SLC13A3: variants seen among roughly 807,000 people sequenced by gnomAD.
SLC13A3 encodes solute carrier family 13 member 3, also known as Na(+)/dicarboxylate cotransporter 3.
A neutral mutation model predicts 59.0 loss-of-function variants in SLC13A3; 40 were observed. The observed-to-expected ratio is 0.68, with a 90% CI of 0.53 to 0.88. The LOEUF (loss-of-function observed/expected upper bound fraction) is 0.88, where lower values mean the gene tolerates loss of function less well. SLC13A3 is among the 40% of genes least tolerant of loss of function. The pLI is 0.00. For synonymous variants in SLC13A3, 317 were observed against 330.3 expected, an observed-to-expected ratio of 0.96 and a Z score of 0.44; for missense variants, 699 against 783.2, an observed-to-expected ratio of 0.89 and a Z score of 1.28.
intron 9 of SLC13A3, among the ~76,000 whole-genome samples, chr20:46,580,028 T>C (rs889363782): frequency 6.6e-6 from 1 of 152,118 alleles, no homozygotes; most frequent in Non-Finnish European, 1.5e-5. Flanking sequence ...TGCAGTGGCG[T>C]GATCTCGGCT....
At chr20:46,676,893 G>C (rs980472242) in intron 1 of SLC13A3, among the ~76,000 whole-genome samples, 2 of 152,058 alleles carry the variant, frequency 1.3e-5, no homozygotes, top group Non-Finnish European at 2.9e-5. Context: ...CCAGGAGGGG[G>C]AACGGAGAGT....
At position 46,629,677 on chromosome 20, in the gene SLC13A3, C is replaced by G. The variant is rs76752731; in HGVS notation, c.112-15952G>C. Among the ~76,000 whole-genome samples the G allele has an allele frequency of 5.7e-3, 863 of 152,220 alleles. 8 individuals carry two copies. The highest frequency in any genetic ancestry group is 0.02 in the African/African-American group (829 of 41,538). ...CCCATTTTGCTCTGTCTGATACAGC[C>G]TTTATAACAGAATAGCTTTATTTTT... On this transcript the variant is annotated intron_variant, in intron 1 of 12. Coordinates refer to ENST00000279027, the MANE Select transcript of SLC13A3 (RefSeq NM_022829.6).
intron 3 of SLC13A3, among the ~76,000 whole-genome samples, chr20:46,603,686 G>A (rs2062405547): frequency 6.6e-6 from 1 of 151,960 alleles, no homozygotes; most frequent in Non-Finnish European, 1.5e-5. Flanking sequence ...CCACGCCTGG[G>A]CTGAAATTTG....
At position 46,566,258 on chromosome 20, in the gene SLC13A3, T is replaced by C; in HGVS notation, c.1465A>G (p.Ile489Val). 3 of 1,613,516 alleles carry C rather than the reference T, an allele frequency of 1.9e-6. No individual in the cohort carries two copies. Among genetic ancestry groups the C allele is most frequent in the Non-Finnish European group, 2.5e-6 (3 of 1,179,654 alleles). ...TEFASNTATI[I>V]IFLPVLAELA... ...TCTGCCAGGACCGGCAGGAAGATGA[T>C]GATGGTCGCCGTGTTGCTGGCAAAC... The change falls in exon 11 of 13, where the codon ATC becomes GTC. Residue 489 changes from isoleucine to valine, a missense_variant. By Grantham distance (29) the Ile-to-Val change is conservative. Coordinates refer to ENST00000279027, the MANE Select transcript of SLC13A3 (RefSeq NM_022829.6).
chr20:46,587,933 T>C (rs1024514877), intron 8 of SLC13A3, 126 bp downstream of exon 8: 5 of 528,566 alleles, frequency 9.5e-6, no homozygotes, highest in African/African-American at 3.9e-5. Context: ...TTAATAATCA[T>C]ATGGGACAAA....
chr20:46,645,367 G>A (rs1600607583), intron 1 of SLC13A3, among the ~76,000 whole-genome samples: 2 of 152,142 alleles, frequency 1.3e-5, no homozygotes, highest in Non-Finnish European at 2.9e-5. Flanking sequence ...GACACCTTTG[G>A]TGGGTCACTA....
intron 3 of SLC13A3, among the ~76,000 whole-genome samples, chr20:46,602,707 T>C (rs576701537): frequency 1.4e-4 from 21 of 152,330 alleles, no homozygotes; most frequent in African/African-American, 5.1e-4. Flanking sequence ...CCAGAAATGC[T>C]GCTAAACATC....
At chr20:46,638,243 G>A (rs2062813381) in intron 1 of SLC13A3, among the ~76,000 whole-genome samples, 1 of 152,198 alleles carries the variant, frequency 6.6e-6, no homozygotes, top group African/African-American at 2.4e-5. Flanking sequence ...TTGCTGACTG[G>A]TTCCAGCCCT....
chr20:46,626,115 CTCTCTCTGTCTCTCTCTCTCTCTG>C (rs1011014973), intron 1 of SLC13A3, among the ~76,000 whole-genome samples: 1 of 150,614 alleles, frequency 6.6e-6, no homozygotes, highest in Non-Finnish European at 1.5e-5. Flanking sequence ...CTCTCTCTCT[CTCTCTCTGTCTCTCTCTCTCTCTG>C]TCTCTCTGTC....
upstream of SLC13A3, among the ~76,000 whole-genome samples, chr20:46,655,515 AT>A (rs768390727): frequency 6.8e-6 from 1 of 147,710 alleles, no homozygotes; most frequent in Non-Finnish European, 1.5e-5. Context: ...TATAATATAT[AT>A]TTTTATATAG....
At chr20:46,612,489 T>A (rs925432718) in intron 2 of SLC13A3, among the ~76,000 whole-genome samples, 3 of 152,120 alleles carry the variant, frequency 2.0e-5, no homozygotes, top group African/African-American at 4.8e-5. Flanking sequence ...TCTTGAAATA[T>A]CATCGACACT....
rs202120025 is a variant in SLC13A3 at position 46,600,405 on chromosome 20, A to G, written c.542-368T>C. Among the ~76,000 whole-genome samples, 1,143 of 143,954 alleles carry G rather than the reference A, an allele frequency of 7.9e-3. 3 individuals carry two copies. Among genetic ancestry groups the G allele is most frequent in the South Asian group, 0.013 (61 of 4,548 alleles). 94.4% of individuals were successfully genotyped at this position (143,954 alleles called of 152,430 possible). A position where few individuals can be genotyped will look rare whatever the true frequency, so the allele number is the denominator to read the frequency against. On this transcript the variant is annotated intron_variant, in intron 3 of 12. Transcript: ENST00000279027. ...GAAAGGGAGGGAAAGAAAGAAAGAAAGGAGGAAGGAAGGAAGGAAAGGAAG... is the reference window on the plus strand; with the variant it reads ...GAAAGGGAGGGAAAGAAAGAAAGAAGGGAGGAAGGAAGGAAGGAAAGGAAG...
chr20:46,652,547 A>ACT (rs777745720), upstream of SLC13A3, among the ~76,000 whole-genome samples: 1 of 117,794 alleles, frequency 8.5e-6, no homozygotes, highest in African/African-American at 3.1e-5. Flanking sequence ...TATCTGGCTA[A>ACT]TTTTTTTTTT....
chr20:46,656,526 T>G (rs987195909), intron 1 of SLC13A3, among the ~76,000 whole-genome samples: 10 of 144,044 alleles, frequency 6.9e-5, no homozygotes, highest in South Asian at 2.2e-4. Flanking sequence ...CTGTATATGA[T>G]ATATACTATA....
intron 1 of SLC13A3, among the ~76,000 whole-genome samples, chr20:46,641,962 C>T (rs1273898940): frequency 6.6e-6 from 1 of 152,166 alleles, no homozygotes; most frequent in Non-Finnish European, 1.5e-5. Flanking sequence ...GCCCCTATGC[C>T]CCCAGACCCA....
At chr20:46,615,475 T>C (rs1479521938) in intron 1 of SLC13A3, among the ~76,000 whole-genome samples, 1 of 152,080 alleles carries the variant, frequency 6.6e-6, no homozygotes, top group African/African-American at 2.4e-5. Flanking sequence ...GTGACAACAA[T>C]CCAGGCAACA....
In SLC13A3 at chr20:46,632,926, T is replaced by C. The variant is rs375493226; in HGVS notation, c.111+18385A>G. On this transcript the variant is annotated intron_variant, in intron 1 of 12. Transcript: ENST00000279027. Reference sequence around the variant, plus strand: ...ATAGATAGATATATCTATCTATCTATCTATCTATCTATCTATCTATCTATC... The same window carrying C: ...ATAGATAGATATATCTATCTATCTACCTATCTATCTATCTATCTATCTATC... Among the ~76,000 whole-genome samples, 885 of 127,922 alleles carry C rather than the reference T, an allele frequency of 6.9e-3. 26 individuals carry two copies. Among genetic ancestry groups the C allele is most frequent in the South Asian group, 0.048 (182 of 3,784 alleles). The allele number at this position is 127,922 out of a possible 152,430, so 83.9% of individuals were successfully genotyped here. A position where few individuals can be genotyped will look rare whatever the true frequency, so the allele number is the denominator to read the frequency against.
At chr20:46,675,810 G>C (rs983958000) in intron 1 of SLC13A3, 2 of 152,448 alleles carry the variant, frequency 1.3e-5, no homozygotes, top group Non-Finnish European at 2.9e-5. Flanking sequence ...GACGGCAGAA[G>C]TGGGGAGAAC....
At chr20:46,600,568 T>C (rs2062370338) in intron 3 of SLC13A3, 1 of 451,450 alleles carries the variant, frequency 2.2e-6, no homozygotes, top group Non-Finnish European at 4.7e-6. Flanking sequence ...TGACAACCCA[T>C]AACTCAAGCT....
Sources: allele counts gnomAD v4.1 joint callset (sites outside exome capture counted in the v4.1 genomes callset), GRCh38; gene constraint gnomAD v4.1.1; transcripts MANE v1.5; gene names NCBI Gene and HGNC (gene_info 2026-07-23, HGNC 2026-07-21).